The following CELF2 variants were observed in gnomAD, a reference collection of about 807,000 sequenced individuals.
CELF2 encodes CUG triplet repeat RNA-binding protein 2.
Under a neutral mutation model 62.6 loss-of-function variants are expected in CELF2, and 8 were observed. The ratio of observed to expected loss-of-function variants is 0.13; its 90% CI spans 0.07 to 0.23. The LOEUF (loss-of-function observed/expected upper bound fraction) is 0.23, where lower values mean the gene tolerates loss of function less well. CELF2 is among the 10% of genes least tolerant of loss of function. The pLI is 1.00. For synonymous variants in CELF2, 258 were observed against 250.0 expected (o/e 1.03, Z -0.30); for missense variants, 333 against 671.0 (o/e 0.50, Z 5.56).
At chr10:11,019,204 AAG>A (rs750575083) in intron 1 of CELF2, among the ~76,000 whole-genome samples, 18 of 152,330 alleles carry the variant, frequency 1.2e-4, no homozygotes, top group Non-Finnish European at 2.4e-4. Context: ...GAAACCTAAA[AAG>A]AGAGAAAAGA....
At chr10:11,272,155 C>G (rs537635829) in intron 7 of CELF2, among the ~76,000 whole-genome samples, 1 of 152,292 alleles carries the variant, frequency 6.6e-6, no homozygotes, top group South Asian at 2.1e-4. Flanking sequence ...CTTTTCCTGT[C>G]TTCCTCTGTG....
chr10:10,880,697 A>G (rs2061390089), intron 1 of CELF2, among the ~76,000 whole-genome samples: 1 of 152,234 alleles, frequency 6.6e-6, no homozygotes, highest in Non-Finnish European at 1.5e-5. Context: ...AGCCAGCAGA[A>G]GTAGAATAAG....
At chr10:10,795,978 C>T (rs1233525396), upstream of CELF2, among the ~76,000 whole-genome samples, 3 of 152,088 alleles carry the variant, frequency 2.0e-5, no homozygotes, top group African/African-American at 4.8e-5. Flanking sequence ...ACCCCAGTGT[C>T]TGGGCGTAAC....
At chr10:10,583,055 T>A in the CELF2 span, among the ~76,000 whole-genome samples, 3 of 152,092 alleles carry the variant, frequency 2.0e-5, no homozygotes, top group African/African-American at 7.2e-5. Flanking sequence ...ATGGAAGAAA[T>A]AGTATAGACT....
At chr10:10,804,226 GTTTCTGTCA>G (rs1210163184) in intron 1 of CELF2, among the ~76,000 whole-genome samples, 3 of 152,220 alleles carry the variant, frequency 2.0e-5, no homozygotes, top group Non-Finnish European at 4.4e-5. Context: ...TGACCATACA[GTTTCTGTCA>G]CAACTATACA....
intron 1 of CELF2, among the ~76,000 whole-genome samples, chr10:11,027,625 CTTGGA>C (rs1376257052): frequency 1.3e-5 from 2 of 152,200 alleles, no homozygotes; most frequent in African/African-American, 4.8e-5. Context: ...GTAACTTCCT[CTTGGA>C]TTGTTCGACT....
rs913630263 is a variant in CELF2 at position 11,039,655 on chromosome 10, A to G, written c.74+21492A>G. Among the ~76,000 whole-genome samples, 1 of 152,258 alleles carries G rather than the reference A, an allele frequency of 6.6e-6. No homozygotes were observed. Among genetic ancestry groups the G allele is most frequent in the Admixed American group, 6.5e-5 (1 of 15,294 alleles). ...TTAAGGTTCCATTTAAAGCCACTCA[A>G]TGGAAGATAGGTTAAGTGTACTTCA... On this transcript the variant is annotated intron_variant, in intron 1 of 12. Coordinates refer to ENST00000633077, the MANE Select transcript of CELF2 (RefSeq NM_001326342.2). The surrounding 1 kb of genome is among the most constrained non-coding windows in gnomAD (Gnocchi z 4.1).
At chr10:10,577,444 T>C in the CELF2 span, among the ~76,000 whole-genome samples, 1 of 151,536 alleles carries the variant, frequency 6.6e-6, no homozygotes, top group East Asian at 1.9e-4. Context: ...TTGTTACATA[T>C]GTATACCTGT....
At chr10:11,281,462 T>G (rs1338825901) in intron 8 of CELF2, among the ~76,000 whole-genome samples, 3 of 152,074 alleles carry the variant, frequency 2.0e-5, no homozygotes, top group Admixed American at 2.0e-4. Context: ...CAGAAGGAAA[T>G]CACGTTAAGA....
chr10:11,059,639 A>G (rs1000635578), intron 1 of CELF2, among the ~76,000 whole-genome samples: 3 of 152,174 alleles, frequency 2.0e-5, no homozygotes, highest in African/African-American at 2.4e-5. Context: ...TGCTATTGCA[A>G]TAAGCCCATA....
the CELF2 span, among the ~76,000 whole-genome samples, chr10:10,641,093 C>T: frequency 7.9e-5 from 12 of 152,296 alleles, no homozygotes; most frequent in African/African-American, 2.4e-4. Flanking sequence ...AACTTACTGA[C>T]CGTTCTGGAT....
chr10:11,182,988 T>A (rs2073887572), intron 2 of CELF2, among the ~76,000 whole-genome samples: 1 of 152,326 alleles, frequency 6.6e-6, no homozygotes, highest in Admixed American at 6.5e-5. Flanking sequence ...ATAATTGATA[T>A]GCGGCAAACT....
the CELF2 span, among the ~76,000 whole-genome samples, chr10:10,643,836 G>A: frequency 1.3e-5 from 2 of 152,172 alleles, no homozygotes; most frequent in Non-Finnish European, 2.9e-5. Flanking sequence ...ACAGTCTTAA[G>A]TGGCAATTTC....
At position 11,285,402 on chromosome 10, in the gene CELF2, C is replaced by A. The variant is rs933296885; in HGVS notation, c.842-3016C>A. Reference sequence around the variant, plus strand: ...AGCCACTCCCCCTGGACTTTCCAGGCGGCAGCAGGGAAAGGCTTAGGAGAA... The same window carrying A: ...AGCCACTCCCCCTGGACTTTCCAGGAGGCAGCAGGGAAAGGCTTAGGAGAA... On this transcript the variant is annotated intron_variant, in intron 8 of 12. Coordinates refer to ENST00000633077, the MANE Select transcript of CELF2 (RefSeq NM_001326342.2). The surrounding 1 kb of genome is among the most constrained non-coding windows in gnomAD (Gnocchi z 4.3). 6.6e-6 allele frequency among the ~76,000 whole-genome samples: 1 copy of A among 152,092 alleles called. No homozygotes were observed. Among genetic ancestry groups the A allele is most frequent in the East Asian group, 1.9e-4 (1 of 5,200 alleles).
chr10:11,257,238 G>A (rs2079044399), intron 4 of CELF2, among the ~76,000 whole-genome samples: 1 of 146,720 alleles, frequency 6.8e-6, no homozygotes, highest in Admixed American at 7.1e-5. Flanking sequence ...CGAATACTCT[G>A]TGAAAAGTTT....
At chr10:10,731,999 G>A in the CELF2 span, among the ~76,000 whole-genome samples, 1 of 152,070 alleles carries the variant, frequency 6.6e-6, no homozygotes, top group Non-Finnish European at 1.5e-5. Context: ...AACCCTACAA[G>A]ATACTAGCAG....
At chr10:10,576,636 T>A in the CELF2 span, among the ~76,000 whole-genome samples, 2 of 152,196 alleles carry the variant, frequency 1.3e-5, no homozygotes, top group African/African-American at 4.8e-5. Flanking sequence ...ATTTTTCTTA[T>A]TTCAAATATC....
At chr10:11,272,869 G>C (rs1374374180) in intron 7 of CELF2, among the ~76,000 whole-genome samples, 1 of 152,174 alleles carries the variant, frequency 6.6e-6, no homozygotes, top group African/African-American at 2.4e-5. Flanking sequence ...CTCAGTAGGT[G>C]CTATTAACTC....
chr10:11,159,488 T>C lies in CELF2; in HGVS notation c.75-5998T>C, dbSNP rs1416618898. ...GACTCCTCTTCCTAAATCGAAAGGA[T>C]GCGCTAAGTTGAGCATGGACAGGGC... On this transcript the variant is annotated intron_variant, in intron 1 of 12. Coordinates refer to ENST00000633077, the MANE Select transcript of CELF2 (RefSeq NM_001326342.2). The surrounding 1 kb of genome is among the most constrained non-coding windows in gnomAD (Gnocchi z 5.0). 6.6e-6 allele frequency among the ~76,000 whole-genome samples: 1 copy of C among 152,190 alleles called. No individual in the cohort carries two copies. Among genetic ancestry groups the C allele is most frequent in the African/African-American group, 2.4e-5 (1 of 41,440 alleles).
Sources: allele counts gnomAD v4.1 joint callset (sites outside exome capture counted in the v4.1 genomes callset), GRCh38; gene constraint gnomAD v4.1.1; non-coding constraint Gnocchi (gnomAD v3.1); transcripts MANE v1.5; gene names NCBI Gene and HGNC (gene_info 2026-07-23, HGNC 2026-07-21).